Variants in SMG6 observed in about 807,000 individuals in gnomAD.
SMG6 encodes SMG6 nonsense mediated mRNA decay factor, also known as telomerase-binding protein EST1A.
A neutral mutation model predicts 142.2 loss-of-function variants in SMG6; 66 were observed. The ratio of observed to expected loss-of-function variants is 0.46; its 90% confidence interval spans 0.38 to 0.57. The LOEUF (loss-of-function observed/expected upper bound fraction) is 0.57, where lower values mean the gene tolerates loss of function less well. Among genes scored for constraint, SMG6 ranks in the 20% least tolerant of loss-of-function variants. SMG6 has a pLI of 0.00. For missense variants in SMG6, 1,793 were observed against 1,832.0 expected, an observed-to-expected ratio of 0.98 and a Z score of 0.39; for synonymous variants, 779 against 702.4, an observed-to-expected ratio of 1.11 and a Z score of -1.72.
chr17:2,121,587 CTGTGTGTGTGTGTG>C (rs71150850), intron 13 of SMG6, among the ~76,000 whole-genome samples: 5,102 of 139,670 alleles, frequency 0.037, 148 homozygotes, highest in South Asian at 0.054. Context: ...ACATGTCTGT[CTGTGTGTGTGTGTG>C]TGTGTGTGTG....
chr17:2,292,921 A>C lies in SMG6; in HGVS notation c.2208T>G (p.Ala736=), dbSNP rs773323426. 2 of 1,614,042 alleles carry C rather than the reference A, an allele frequency of 1.2e-6. No individual in the cohort carries two copies. The highest frequency in any genetic ancestry group is 1.7e-5 in the Admixed American group (1 of 60,010). Residue 736 remains alanine (A), a synonymous_variant, in exon 5 of 19, where the codon GCT becomes GCG. Transcript: ENST00000263073. ...TATCACTGGCTTGCTCCCGGTACCT[A>C]GCAATATCTCCTTGGCATATCATGC... ...QRCMICQGDI[A]RYREQASDTA...
At chr17:2,224,335 G>A (rs751474451) in intron 10 of SMG6, among the ~76,000 whole-genome samples, 5 of 152,018 alleles carry the variant, frequency 3.3e-5, no homozygotes, top group Non-Finnish European at 7.4e-5. Flanking sequence ...ATGCCATGTT[G>A]AATATATTTT....
intron 10 of SMG6, among the ~76,000 whole-genome samples, chr17:2,208,079 T>C (rs1191849920): frequency 1.3e-5 from 2 of 152,020 alleles, no homozygotes; most frequent in Non-Finnish European, 2.9e-5. Context: ...CAGTGAGCAA[T>C]GTTCGTGCCA....
intron 10 of SMG6, among the ~76,000 whole-genome samples, chr17:2,194,433 C>T (rs143989846): frequency 3.3e-5 from 5 of 152,152 alleles, no homozygotes; most frequent in African/African-American, 4.8e-5. Flanking sequence ...TTGAAGCAAG[C>T]GAAATTACAT....
At chr17:2,273,991 C>T (rs545285094) in intron 8 of SMG6, among the ~76,000 whole-genome samples, 2 of 152,324 alleles carry the variant, frequency 1.3e-5, no homozygotes, top group African/African-American at 4.8e-5. Flanking sequence ...CAACTGTTTA[C>T]TGTATTCTAT....
rs906408432 is a variant in SMG6, at chr17:2,086,051, A to C, written c.3358-150T>G. ...ATGAATGACGGGGTGCGGAGGGCAC[A>C]AGGGCATGTCAGGTGGTAAGTGAGG... On this transcript the variant is annotated intron_variant, in intron 13 of 18. Coordinates refer to ENST00000263073, the MANE Select transcript of SMG6 (RefSeq NM_017575.5). 1.2e-5 allele frequency: 9 copies of C among 778,204 alleles called. No individual in the cohort carries two copies. The African/African-American group carries it at 1.6e-4, about 14-fold the overall frequency. 48.2% of individuals were successfully genotyped at this position (778,204 alleles called of 1,614,324 possible). A position where few individuals can be genotyped will look rare whatever the true frequency, so the allele number is the denominator to read the frequency against.
Position 2,300,199 on chromosome 17 carries a change from T to C in SMG6, c.554A>G (p.Asn185Ser). Residue 185 changes from asparagine to serine, a missense_variant, in exon 2 of 19, where the codon AAT becomes AGT. This residue lies in a region of SMG6 where 1,597 missense variants were observed against 1,584.6 expected (regional missense o/e 1.01). Transcript: ENST00000263073. ...LRVEEDECRGNVAKEEVANKP... is the reference protein window; with the variant it reads ...LRVEEDECRGSVAKEEVANKP... ...ATTCGCAACTTCCTCCTTCGCAACA[T>C]TTCCCCTACACTCATCTTCCTCTAC... The C allele has an allele frequency of 6.2e-7, 1 of 1,614,028 alleles. No individual in the cohort carries two copies.
chr17:2,070,028 G>T (rs990120214), intron 15 of SMG6, among the ~76,000 whole-genome samples: 1 of 152,196 alleles, frequency 6.6e-6, no homozygotes, highest in Admixed American at 6.5e-5. Flanking sequence ...GTAGACAAAA[G>T]AATAAAAGCA....
At chr17:2,123,017 G>C (rs1267477380) in intron 13 of SMG6, among the ~76,000 whole-genome samples, 1 of 152,262 alleles carries the variant, frequency 6.6e-6, no homozygotes, top group African/African-American at 2.4e-5. Flanking sequence ...ATGATGGCCA[G>C]ATTCCCTTAA....
intron 8 of SMG6, among the ~76,000 whole-genome samples, chr17:2,250,238 C>T (rs1268856946): frequency 1.3e-5 from 2 of 152,002 alleles, no homozygotes; most frequent in African/African-American, 4.8e-5. Context: ...TCTACAGAGT[C>T]GTGTGAAAAA....
intron 8 of SMG6, among the ~76,000 whole-genome samples, chr17:2,265,085 T>C (rs984569274): frequency 1.3e-5 from 2 of 152,122 alleles, no homozygotes; most frequent in African/African-American, 4.8e-5. Flanking sequence ...TTTGACCTTG[T>C]CAAGCTTCAA....
intron 14 of SMG6, among the ~76,000 whole-genome samples, chr17:2,083,412 T>C (rs145012635): frequency 6.6e-6 from 1 of 152,170 alleles, no homozygotes; most frequent in Non-Finnish European, 1.5e-5. Context: ...CAAAGAACTA[T>C]GTCTGAAGAA....
Position 2,172,733 on chromosome 17 carries a change from A to T in SMG6, c.3282T>A (p.Asp1094Glu). 1 of 1,614,152 alleles carries T rather than the reference A, an allele frequency of 6.2e-7. No homozygotes were observed. The highest frequency in any genetic ancestry group is 8.5e-7 in the Non-Finnish European group (1 of 1,180,022). Residue 1094 changes from aspartate to glutamate, a missense_variant, in exon 13 of 19, where the codon GAT (aspartate) becomes GAA (glutamate). Asp to Glu is a conservative substitution (Grantham distance 45, BLOSUM62 2). Transcript: ENST00000263073. Reference protein sequence around the residue: ...DDLTLLILEEDRLLSGFVPLL... With the variant: ...DDLTLLILEEERLLSGFVPLL... ...AGGGGACAAAGCCCGAGAGAAGCCG[A>T]TCCTCTTCCAGGATAAGAAGGGTGA...
At chr17:2,277,453 C>A (rs1048169163) in intron 8 of SMG6, among the ~76,000 whole-genome samples, 2 of 152,146 alleles carry the variant, frequency 1.3e-5, no homozygotes, top group African/African-American at 4.8e-5. Context: ...GGCGTAAGCA[C>A]CACGCCCGGC....
chr17:2,160,318 C>T (rs9916322), intron 13 of SMG6, among the ~76,000 whole-genome samples: 54,224 of 151,934 alleles, frequency 0.36, 10,382 homozygotes, highest in African/African-American at 0.5. Context: ...CTCCTGGGTT[C>T]AAGTGATTCT....
intron 13 of SMG6, chr17:2,088,707 G>T (rs1427685750): frequency 2.0e-6 from 2 of 985,310 alleles, no homozygotes; most frequent in Non-Finnish European, 2.4e-6. Context: ...GTGGGAGTGA[G>T]AAGTGCACAG....
chr17:2,186,913 C>A (rs1239633754), intron 11 of SMG6, 82 bp from the exon 12 acceptor site: 1 of 1,485,028 alleles, frequency 6.7e-7, no homozygotes. Flanking sequence ...CGGCAGCAAG[C>A]TCTTAGGGAA....
At chr17:2,082,420 G>T (rs1401918291) in intron 14 of SMG6, 2 of 162,718 alleles carry the variant, frequency 1.2e-5, no homozygotes, top group African/African-American at 4.8e-5. Context: ...GGAATGAGGC[G>T]TGGAAGTTCC....
chr17:2,166,210 T>A (rs1055585432), intron 13 of SMG6, among the ~76,000 whole-genome samples: 3 of 151,796 alleles, frequency 2.0e-5, no homozygotes, highest in Non-Finnish European at 4.4e-5. Flanking sequence ...CCAGACTCCA[T>A]CTCCAAAACA....
Sources: gnomAD v4.1 joint callset for allele counts (sites outside exome capture counted in the v4.1 genomes callset) on GRCh38, gnomAD v4.1.1 for gene constraint, gnomAD v4.1.1 regional missense constraint, MANE v1.5 for transcripts, NCBI Gene and HGNC (gene_info 2026-07-23, HGNC 2026-07-21) for gene names.